The following GPR176 variants were observed in gnomAD, a reference collection of about 807,000 sequenced individuals.
GPR176 encodes the protein G protein-coupled receptor 176.
In GPR176, 26 loss-of-function variants were observed where a neutral mutation model predicts 35.4. The observed-to-expected ratio is 0.74, with a 90% CI of 0.54 to 1.02. The LOEUF is 1.02. Among genes scored for constraint, GPR176 ranks in the 50% least tolerant of loss-of-function variants. GPR176 has a pLI of 0.00. For missense variants in GPR176, 597 were observed against 665.3 expected, an observed-to-expected ratio of 0.90 and a Z score of 1.13; for synonymous variants, 278 against 271.3, an observed-to-expected ratio of 1.02 and a Z score of -0.24.
At chr15:39,845,157 G>T (rs924547603) in intron 1 of GPR176, among the ~76,000 whole-genome samples, 1 of 152,092 alleles carries the variant, frequency 6.6e-6, no homozygotes. Context: ...GCCAGGCCCA[G>T]GTTCAGGCCC....
intron 1 of GPR176, among the ~76,000 whole-genome samples, chr15:39,835,965 C>T (rs774648267): frequency 8.5e-5 from 13 of 152,120 alleles, no homozygotes; most frequent in Admixed American, 1.3e-4. Context: ...CATGGTGGCA[C>T]ATGCCTGTAA....
chr15:39,919,358 C>T (rs558165825), intron 1 of GPR176, among the ~76,000 whole-genome samples: 11 of 151,980 alleles, frequency 7.2e-5, no homozygotes, highest in Admixed American at 5.2e-4. Flanking sequence ...GTTGGTGTTC[C>T]GAAGAAGCAC....
chr15:39,876,890 G>C (rs575927135), intron 1 of GPR176, among the ~76,000 whole-genome samples: 149 of 152,090 alleles, frequency 9.8e-4, no homozygotes, highest in African/African-American at 3.0e-3. Context: ...GAGACAGAGA[G>C]AGAGAGAGAA....
At chr15:39,811,432 T>G (rs1374118773) in intron 1 of GPR176, among the ~76,000 whole-genome samples, 1 of 152,188 alleles carries the variant, frequency 6.6e-6, no homozygotes, top group Non-Finnish European at 1.5e-5. Flanking sequence ...CCTTTTTCTC[T>G]TTCTGATTTA....
At chr15:39,832,985 G>A (rs1901188567) in intron 1 of GPR176, among the ~76,000 whole-genome samples, 1 of 152,168 alleles carries the variant, frequency 6.6e-6, no homozygotes, top group African/African-American at 2.4e-5. Flanking sequence ...AAGGTGAGTT[G>A]ATTAGCAGCT....
chr15:39,801,175 C>T lies in GPR176; in HGVS notation c.1505G>A (p.Ser502Asn), dbSNP rs755213982. ...PKVGRVERKM[S>N]RNNKVSIFPK... ...AAAAATGCTCACTTTATTGTTTCTGCTCATCTTCCGCTCCACCCTGCCTAC... is the reference window on the plus strand; with the variant it reads ...AAAAATGCTCACTTTATTGTTTCTGTTCATCTTCCGCTCCACCCTGCCTAC... Residue 502 changes from serine (S) to asparagine (N), a missense_variant, in exon 3 of 3, where the codon AGC becomes AAC. By Grantham distance (46) the Ser-to-Asn change is conservative. Transcript: ENST00000561100. 2 of 1,612,360 alleles carry T rather than the reference C, an allele frequency of 1.2e-6. No homozygotes were observed. Among genetic ancestry groups the T allele is most frequent in the Non-Finnish European group, 8.5e-7 (1 of 1,179,080 alleles).
chr15:39,875,893 T>C lies in GPR176; in HGVS notation c.172+43962A>G, dbSNP rs139369175. 5.4e-3 allele frequency among the ~76,000 whole-genome samples: 819 copies of C among 150,896 alleles called. 10 individuals carry two copies. Among genetic ancestry groups the C allele is most frequent in the African/African-American group, 0.019 (767 of 41,260 alleles). Reference sequence around the variant, plus strand: ...TACTTTTTTGCAATATTTTGTAATCTATTTTTATTCCTCCCAATGTTTAAC... The same window carrying C: ...TACTTTTTTGCAATATTTTGTAATCCATTTTTATTCCTCCCAATGTTTAAC... On this transcript the variant is annotated intron_variant, in intron 1 of 2. Coordinates refer to ENST00000561100, the MANE Select transcript of GPR176 (RefSeq NM_007223.3).
In GPR176 at chr15:39,800,051, CG is replaced by C. The variant is rs1898758398; in HGVS notation, c.*1080del. 2 of 152,346 alleles carry C rather than the reference CG, an allele frequency of 1.3e-5. No homozygotes were observed. The highest frequency in any genetic ancestry group is 4.1e-4 in the South Asian group (2 of 4,828). The allele number at this position is 152,346 out of a possible 1,614,324, so 9.4% of individuals were successfully genotyped here. On this transcript the variant is annotated 3_prime_UTR_variant, in exon 3 of 3. Coordinates refer to ENST00000561100, the MANE Select transcript of GPR176 (RefSeq NM_007223.3). ...CACACCTGAGTTCCGGAGTCTTCCT[CG>C]GAAGGAAACCATCTTTGTCAGATTC...
intron 1 of GPR176, among the ~76,000 whole-genome samples, chr15:39,904,792 A>T (rs2033375363): frequency 6.6e-6 from 1 of 152,190 alleles, no homozygotes; most frequent in African/African-American, 2.4e-5. Flanking sequence ...GTGTGAGAGC[A>T]ATGGCATGGG....
chr15:39,854,885 C>A (rs1414060949), intron 1 of GPR176, among the ~76,000 whole-genome samples: 1 of 151,782 alleles, frequency 6.6e-6, no homozygotes, highest in African/African-American at 2.4e-5. Context: ...CACCCCTAGT[C>A]TCTAAAAAAA....
At chr15:39,835,270 C>T (rs1000634250) in intron 1 of GPR176, among the ~76,000 whole-genome samples, 5 of 152,006 alleles carry the variant, frequency 3.3e-5, no homozygotes, top group East Asian at 1.9e-4. Flanking sequence ...TCCACCGGCT[C>T]GGCCTCCCAA....
chr15:39,806,281 C>T (rs1348065317), intron 2 of GPR176, among the ~76,000 whole-genome samples: 1 of 152,192 alleles, frequency 6.6e-6, no homozygotes, highest in Admixed American at 6.5e-5. Flanking sequence ...AAATACTTTT[C>T]AATTCTTGTT....
chr15:39,917,144 G>C (rs757811707), intron 1 of GPR176, among the ~76,000 whole-genome samples: 1 of 151,908 alleles, frequency 6.6e-6, no homozygotes, highest in Non-Finnish European at 1.5e-5. Flanking sequence ...TTAGCCAGGC[G>C]TGGTGGCGGG....
intron 1 of GPR176, among the ~76,000 whole-genome samples, chr15:39,850,218 T>C (rs1166273996): frequency 6.6e-6 from 1 of 152,112 alleles, no homozygotes; most frequent in African/African-American, 2.4e-5. Flanking sequence ...CTAAATTTAT[T>C]TTAAAAACAA....
At chr15:39,812,373 G>A (rs1458071543) in intron 1 of GPR176, among the ~76,000 whole-genome samples, 1 of 152,190 alleles carries the variant, frequency 6.6e-6, no homozygotes, top group Non-Finnish European at 1.5e-5. Context: ...GACTAGACTG[G>A]CTAAGGCTAA....
At chr15:39,918,167 G>A (rs938278196) in intron 1 of GPR176, among the ~76,000 whole-genome samples, 5 of 152,056 alleles carry the variant, frequency 3.3e-5, no homozygotes, top group East Asian at 1.9e-4. Flanking sequence ...AGTGCTATGT[G>A]GAGAAAAGCT....
chr15:39,866,673 G>A (rs565330199), intron 1 of GPR176, among the ~76,000 whole-genome samples: 135 of 152,292 alleles, frequency 8.9e-4, no homozygotes, highest in African/African-American at 3.1e-3. Flanking sequence ...TCAGAAATGT[G>A]ATAATTCTTA....
At chr15:39,882,356 T>C (rs1026500343) in intron 1 of GPR176, among the ~76,000 whole-genome samples, 1 of 152,214 alleles carries the variant, frequency 6.6e-6, no homozygotes, top group Non-Finnish European at 1.5e-5. Flanking sequence ...AGCATGTATT[T>C]TGCCTTATAG....
At chr15:39,813,514 G>A (rs1035398621) in intron 1 of GPR176, 1 of 152,218 alleles carries the variant, frequency 6.6e-6, no homozygotes, top group Non-Finnish European at 1.5e-5. Flanking sequence ...ATTTCTGATA[G>A]TAAGTTTACT....
Sources: allele counts gnomAD v4.1 joint callset (sites outside exome capture counted in the v4.1 genomes callset), GRCh38; gene constraint gnomAD v4.1.1; transcripts MANE v1.5; gene names NCBI Gene and HGNC (gene_info 2026-07-23, HGNC 2026-07-21).